The following RPS6KA2 variants were observed in gnomAD, a reference collection of about 807,000 sequenced individuals.
RPS6KA2 encodes the protein ribosomal protein S6 kinase alpha-2.
In RPS6KA2, 42 loss-of-function variants were observed where a neutral mutation model predicts 91.8. The ratio of observed to expected loss-of-function variants is 0.46; its 90% CI spans 0.36 to 0.59. The LOEUF is 0.59. RPS6KA2 is among the 20% of genes least tolerant of loss of function. The probability of loss-of-function intolerance (pLI) is 0.00; values close to 1 mark genes in which losing one functional copy is unlikely to be tolerated. For missense variants in RPS6KA2, 798 were observed against 978.5 expected, an observed-to-expected ratio of 0.82 and a Z score of 2.46; for synonymous variants, 414 against 393.6, an observed-to-expected ratio of 1.05 and a Z score of -0.61.
chr6:166,551,120 G>T (rs183522638), intron 1 of RPS6KA2, among the ~76,000 whole-genome samples: 1 of 151,886 alleles, frequency 6.6e-6, no homozygotes. Context: ...AAATATGAAG[G>T]GTTCAATTTT....
At chr6:166,625,147 A>G (rs568663855) in intron 1 of RPS6KA2, among the ~76,000 whole-genome samples, 10 of 152,158 alleles carry the variant, frequency 6.6e-5, no homozygotes, top group Non-Finnish European at 1.2e-4. Flanking sequence ...TGACCATCTT[A>G]GTGAGACCTC....
At chr6:166,847,454 C>A (rs1312232938) in intron 2 of RPS6KA2, among the ~76,000 whole-genome samples, 1 of 152,084 alleles carries the variant, frequency 6.6e-6, no homozygotes, top group African/African-American at 2.4e-5. Flanking sequence ...ATAGCCAAAG[C>A]AAGACTAAGC....
intron 2 of RPS6KA2, among the ~76,000 whole-genome samples, chr6:166,696,261 G>T (rs757482833): frequency 6.6e-6 from 1 of 152,124 alleles, no homozygotes; most frequent in Non-Finnish European, 1.5e-5. Context: ...TAGTCTATCA[G>T]CTGGGTGCGG....
At chr6:166,731,248 A>AAAG (rs1450568905) in intron 2 of RPS6KA2, among the ~76,000 whole-genome samples, 2 of 152,106 alleles carry the variant, frequency 1.3e-5, no homozygotes, top group African/African-American at 4.8e-5. Context: ...GTCTCAAAAA[A>AAAG]AAGAAAAAAG....
intron 15 of RPS6KA2, among the ~76,000 whole-genome samples, chr6:166,431,548 AAGAT>A (rs1779133100): frequency 6.6e-6 from 1 of 152,254 alleles, no homozygotes; most frequent in South Asian, 2.1e-4. Flanking sequence ...GCAATAGAAA[AAGAT>A]AGTTTTCTCC....
chr6:166,602,675 C>T (rs1196771483), intron 1 of RPS6KA2, among the ~76,000 whole-genome samples: 1 of 152,144 alleles, frequency 6.6e-6, no homozygotes, highest in South Asian at 2.1e-4. Flanking sequence ...AGGATACACA[C>T]AATAAAACAG....
At chr6:166,598,200 T>C (rs565185741) in intron 1 of RPS6KA2, among the ~76,000 whole-genome samples, 1 of 152,162 alleles carries the variant, frequency 6.6e-6, no homozygotes, top group South Asian at 2.1e-4. Context: ...TGGGGCCAAA[T>C]TGGAGCACAG....
Position 166,612,290 on chromosome 6 carries a change from GAA to G in RPS6KA2, c.99+14629_99+14630del, listed in dbSNP as rs570432575. 6.6e-6 allele frequency among the ~76,000 whole-genome samples: 1 copy of G among 152,238 alleles called. No individual in the cohort carries two copies. Among genetic ancestry groups the G allele is most frequent in the South Asian group, 2.1e-4 (1 of 4,800 alleles). On this transcript the variant is annotated intron_variant, in intron 1 of 20. Transcript: ENST00000265678. This position sits in a 1 kb window ranked among gnomAD's most constrained non-coding sequence, Gnocchi z 4.3. Reference sequence around the variant, plus strand: ...TGTGATGTGGGCAGGTGTGATGGAAGAAAAGAGACTGGGACTTGTCCTTTCTG... The same window carrying G: ...TGTGATGTGGGCAGGTGTGATGGAAGAAGAGACTGGGACTTGTCCTTTCTG...
chr6:166,691,886 A>G (rs981253208), intron 2 of RPS6KA2, among the ~76,000 whole-genome samples: 1 of 152,194 alleles, frequency 6.6e-6, no homozygotes, highest in Non-Finnish European at 1.5e-5. Flanking sequence ...CAGCAAAAGA[A>G]AACAAAGACC....
At chr6:166,706,187 A>G (rs1789676561) in intron 2 of RPS6KA2, among the ~76,000 whole-genome samples, 1 of 152,226 alleles carries the variant, frequency 6.6e-6, no homozygotes, top group Non-Finnish European at 1.5e-5. Context: ...TGCAATAACC[A>G]ATTACAGTTT....
At chr6:166,850,861 G>A (rs986356531) in intron 2 of RPS6KA2, among the ~76,000 whole-genome samples, 3 of 152,138 alleles carry the variant, frequency 2.0e-5, no homozygotes, top group South Asian at 4.2e-4. Context: ...CTGTAGCACC[G>A]AGATAAGGCC....
intron 2 of RPS6KA2, among the ~76,000 whole-genome samples, chr6:166,534,537 G>A (rs1431400858): frequency 6.6e-6 from 1 of 152,182 alleles, no homozygotes; most frequent in African/African-American, 2.4e-5. Flanking sequence ...AAAGAGCAGA[G>A]GAAGCCCCAT....
intron 1 of RPS6KA2, among the ~76,000 whole-genome samples, chr6:166,583,525 C>T (rs979339270): frequency 6.6e-6 from 1 of 152,208 alleles, no homozygotes; most frequent in East Asian, 1.9e-4. Context: ...TGCTGAAACA[C>T]TGCGGAAGTC....
intron 11 of RPS6KA2, among the ~76,000 whole-genome samples, chr6:166,467,188 T>G (rs1780571021): frequency 1.3e-5 from 2 of 152,098 alleles, no homozygotes; most frequent in African/African-American, 4.8e-5. Context: ...CCTTACTCAT[T>G]CACTCACTCA....
chr6:166,593,747 G>A (rs1189062812), intron 1 of RPS6KA2, among the ~76,000 whole-genome samples: 1 of 151,852 alleles, frequency 6.6e-6, no homozygotes, highest in Non-Finnish European at 1.5e-5. Context: ...AATTAAAATG[G>A]CAAAAGATCT....
intron 2 of RPS6KA2, among the ~76,000 whole-genome samples, chr6:166,698,241 A>C (rs963655268): frequency 2.0e-5 from 3 of 152,246 alleles, no homozygotes; most frequent in African/African-American, 7.2e-5. Context: ...TACTTTCTTC[A>C]TATCACCAGA....
chr6:166,693,166 T>C (rs1197283929), intron 2 of RPS6KA2, among the ~76,000 whole-genome samples: 2 of 152,184 alleles, frequency 1.3e-5, no homozygotes, highest in Admixed American at 1.3e-4. Flanking sequence ...CAAGTCTGCC[T>C]GTCTCCAGCC....
chr6:166,571,639 A>G (rs1035262072), intron 1 of RPS6KA2, among the ~76,000 whole-genome samples: 5 of 152,010 alleles, frequency 3.3e-5, no homozygotes, highest in African/African-American at 1.2e-4. Context: ...AAGTAGTCTC[A>G]TTAGTAATCA....
chr6:166,695,920 A>G (rs1469787676), intron 2 of RPS6KA2, among the ~76,000 whole-genome samples: 1 of 152,188 alleles, frequency 6.6e-6, no homozygotes, highest in Non-Finnish European at 1.5e-5. Context: ...CTAGATTCTC[A>G]TAGGAGCTGG....
Sources: gnomAD v4.1 joint callset for allele counts (sites outside exome capture counted in the v4.1 genomes callset) on GRCh38, gnomAD v4.1.1 for gene constraint, Gnocchi (gnomAD v3.1) non-coding constraint, MANE v1.5 for transcripts, NCBI Gene and HGNC (gene_info 2026-07-23, HGNC 2026-07-21) for gene names.